The following RSRC1 variants were observed in gnomAD, a reference collection of about 807,000 sequenced individuals.
RSRC1 encodes arginine and serine rich coiled-coil 1, also known as serine/Arginine-related protein 53.
RSRC1 carries 39 observed loss-of-function variants against 49.1 expected under a neutral mutation model. The observed-to-expected ratio is 0.79, with a 90% CI of 0.61 to 1.04. RSRC1 has a LOEUF of 1.04. Ranked by LOEUF, RSRC1 falls within the 50% of genes least tolerant of loss-of-function variation. The probability of loss-of-function intolerance (pLI) is 0.00; values close to 1 mark genes in which losing one functional copy is unlikely to be tolerated. For missense variants in RSRC1, 388 were observed against 402.4 expected (o/e 0.96, Z 0.31); for synonymous variants, 143 against 130.8 (o/e 1.09, Z -0.63).
At chr3:158,252,901 C>A (rs1724302782) in intron 4 of RSRC1, among the ~76,000 whole-genome samples, 1 of 152,014 alleles carries the variant, frequency 6.6e-6, no homozygotes, top group Non-Finnish European at 1.5e-5. Flanking sequence ...TTTATTGATC[C>A]TTTAAATGTC....
intron 5 of RSRC1, among the ~76,000 whole-genome samples, chr3:158,307,697 G>T (rs960026053): frequency 1.3e-5 from 2 of 151,764 alleles, no homozygotes; most frequent in Non-Finnish European, 1.5e-5. Context: ...TTTCATTTTT[G>T]CCCTTCCAAT....
chr3:158,252,322 C>T (rs367697561), intron 4 of RSRC1, among the ~76,000 whole-genome samples: 22 of 132,324 alleles, frequency 1.7e-4, no homozygotes, highest in African/African-American at 2.8e-4. Context: ...CCACCACGCC[C>T]GGCTAATTTT....
intron 6 of RSRC1, among the ~76,000 whole-genome samples, chr3:158,450,034 T>G (rs990874316): frequency 2.0e-5 from 3 of 151,990 alleles, no homozygotes; most frequent in African/African-American, 7.2e-5. Context: ...ACCATATTCC[T>G]TTCCTTAATT....
chr3:158,378,750 C>T (rs549529888), intron 6 of RSRC1, among the ~76,000 whole-genome samples: 1 of 152,218 alleles, frequency 6.6e-6, no homozygotes, highest in African/African-American at 2.4e-5. Flanking sequence ...TGGGGCTGTT[C>T]CCTCTGGTTC....
At chr3:158,411,613 G>A (rs565211517) in intron 6 of RSRC1, among the ~76,000 whole-genome samples, 1 of 151,808 alleles carries the variant, frequency 6.6e-6, no homozygotes, top group Non-Finnish European at 1.5e-5. Context: ...GAACTGCTAA[G>A]CTCAAGCAAT....
intron 3 of RSRC1, among the ~76,000 whole-genome samples, chr3:158,153,189 T>TACATA (rs1717656516): frequency 6.6e-6 from 1 of 152,206 alleles, no homozygotes; most frequent in Admixed American, 6.5e-5. Context: ...CTACTAACTA[T>TACATA]GTAGCTTAAA....
chr3:158,315,026 T>C (rs902578645), intron 5 of RSRC1, among the ~76,000 whole-genome samples: 1 of 95,758 alleles, frequency 1.0e-5, no homozygotes, highest in African/African-American at 4.2e-5. Flanking sequence ...AGTGAGACTT[T>C]GTCTCAAAAA....
At chr3:158,510,434 C>T (rs1560069700) in intron 7 of RSRC1, among the ~76,000 whole-genome samples, 2 of 151,890 alleles carry the variant, frequency 1.3e-5, no homozygotes, top group Non-Finnish European at 2.9e-5. Context: ...GAAAATTCTT[C>T]CCTAAGTCAA....
At chr3:158,518,095 C>CATGT (rs1553820425) in intron 7 of RSRC1, among the ~76,000 whole-genome samples, 1 of 77,396 alleles carries the variant, frequency 1.3e-5, no homozygotes, top group Admixed American at 1.6e-4. Flanking sequence ...TAAGTGCGTG[C>CATGT]GTGTGTGTGT....
At chr3:158,212,790 G>A (rs1721757287) in intron 4 of RSRC1, among the ~76,000 whole-genome samples, 1 of 151,904 alleles carries the variant, frequency 6.6e-6, no homozygotes, top group East Asian at 1.9e-4. Flanking sequence ...AAACAAGTAG[G>A]TCCCCTAAAT....
At chr3:158,169,408 T>C (rs1031179132) in intron 3 of RSRC1, among the ~76,000 whole-genome samples, 1 of 152,162 alleles carries the variant, frequency 6.6e-6, no homozygotes, top group African/African-American at 2.4e-5. Flanking sequence ...CCCTATCTTA[T>C]TCTTCCCACC....
chr3:158,341,551 CAGG>C (rs1730243858), intron 5 of RSRC1, among the ~76,000 whole-genome samples: 1 of 152,322 alleles, frequency 6.6e-6, no homozygotes, highest in East Asian at 1.9e-4. Context: ...GCCTAGATTT[CAGG>C]AGATGTTTGG....
chr3:158,343,472 G>T (rs1196754228), intron 5 of RSRC1, among the ~76,000 whole-genome samples: 1 of 152,162 alleles, frequency 6.6e-6, no homozygotes, highest in Non-Finnish European at 1.5e-5. Context: ...TACACCGTAT[G>T]TTAAAGAGAA....
chr3:158,369,492 A>G (rs899196028), intron 6 of RSRC1, among the ~76,000 whole-genome samples: 1 of 152,136 alleles, frequency 6.6e-6, no homozygotes, highest in Non-Finnish European at 1.5e-5. Context: ...CGTAGACTGT[A>G]TGATTTTAGT....
intron 6 of RSRC1, among the ~76,000 whole-genome samples, chr3:158,458,584 G>A (rs184365246): frequency 6.6e-6 from 1 of 152,188 alleles, no homozygotes; most frequent in African/African-American, 2.4e-5. Flanking sequence ...AGTTAGCCGG[G>A]GAGAGTGGAA....
chr3:158,151,015 A>G (rs993566122), intron 3 of RSRC1, among the ~76,000 whole-genome samples: 4 of 152,182 alleles, frequency 2.6e-5, no homozygotes, highest in Non-Finnish European at 5.9e-5. Context: ...TGAGTATTTT[A>G]CTTGATATTG....
At chr3:158,126,269 C>T (rs4431056) in intron 3 of RSRC1, among the ~76,000 whole-genome samples, 102,449 of 151,962 alleles carry the variant, frequency 0.67, 34,769 homozygotes, top group East Asian at 0.83. Flanking sequence ...TGATTGTTTT[C>T]TGCCTTATAG....
At chr3:158,421,402 G>A (rs1394815684) in intron 6 of RSRC1, among the ~76,000 whole-genome samples, 1 of 151,916 alleles carries the variant, frequency 6.6e-6, no homozygotes, top group African/African-American at 2.4e-5. Flanking sequence ...GATGGTGATG[G>A]TAAATGTTAT....
chr3:158,140,339 T>G (rs1716667740), intron 3 of RSRC1, among the ~76,000 whole-genome samples: 1 of 152,224 alleles, frequency 6.6e-6, no homozygotes, highest in South Asian at 2.1e-4. Flanking sequence ...ACATGGATTG[T>G]CAGGCTCTTG....
Sources: allele counts gnomAD v4.1 joint callset (sites outside exome capture counted in the v4.1 genomes callset), GRCh38; gene constraint gnomAD v4.1.1; transcripts MANE v1.5; gene names NCBI Gene and HGNC (gene_info 2026-07-23, HGNC 2026-07-21).